The following GSE1 variants were observed in gnomAD, a reference collection of about 807,000 sequenced individuals.
The protein encoded by GSE1 is genetic suppressor element 1.
In GSE1, 32 loss-of-function variants were observed where a neutral mutation model predicts 112.6. That is an observed-to-expected ratio of 0.28 (90% CI 0.21 to 0.38). The LOEUF (loss-of-function observed/expected upper bound fraction) is 0.38. Among genes scored for constraint, GSE1 ranks in the 10% least tolerant of loss-of-function variants. The pLI, the probability that GSE1 is intolerant of heterozygous loss-of-function variation, is 1.00. For synonymous variants in GSE1, 1,115 were observed against 735.6 expected (o/e 1.52, Z -8.35); for missense variants, 2,348 against 1,699.2 (o/e 1.38, Z -6.71).
chr16:85,661,371 G>A lies in GSE1; in HGVS notation c.1866G>A (p.Leu622=). 6.2e-7 allele frequency: 1 copy of A among 1,612,356 alleles called. No homozygotes were observed. Among genetic ancestry groups the A allele is most frequent in the Non-Finnish European group, 8.5e-7 (1 of 1,179,716 alleles). Reference sequence around the variant, plus strand: ...CCAGCCGCCAGGCAGCCGTGCCGCTGGTGAAGGTGGAGCGGGTCTTCTGCC... The same window carrying A: ...CCAGCCGCCAGGCAGCCGTGCCGCTAGTGAAGGTGGAGCGGGTCTTCTGCC... ...FEPSRQAAVP[L]VKVERVFCPE... The change falls in exon 9 of 16, where the codon CTG becomes CTA. Residue 622 remains leucine (L), a synonymous_variant. Coordinates refer to ENST00000253458, the MANE Select transcript of GSE1 (RefSeq NM_014615.5).
intron 1 of GSE1, among the ~76,000 whole-genome samples, chr16:85,616,598 C>A (rs777117899): frequency 6.6e-6 from 1 of 152,146 alleles, no homozygotes; most frequent in Admixed American, 6.5e-5. Flanking sequence ...CCTGGTGTGC[C>A]GGGAGAGCTG....
intron 1 of GSE1, among the ~76,000 whole-genome samples, chr16:85,319,147 G>C (rs1015721246): frequency 2.9e-4 from 44 of 152,126 alleles, no homozygotes; most frequent in African/African-American, 8.5e-4. Context: ...CTTCTCTCTT[G>C]ACATTTAGGC....
chr16:85,422,583 G>GAA (rs34403123), intron 2 of GSE1, among the ~76,000 whole-genome samples: 4 of 131,852 alleles, frequency 3.0e-5, no homozygotes, highest in Non-Finnish European at 3.2e-5. Flanking sequence ...CTGGCCAAAA[G>GAA]AAAAAAAAAA....
upstream of GSE1, among the ~76,000 whole-genome samples, chr16:85,554,228 C>T (rs1389523068): frequency 2.0e-5 from 3 of 152,138 alleles, no homozygotes; most frequent in South Asian, 2.1e-4. Flanking sequence ...AATGAGCGCA[C>T]AGGATGTGGT....
intron 1 of GSE1, among the ~76,000 whole-genome samples, chr16:85,324,293 T>G (rs942696470): frequency 6.6e-6 from 1 of 152,284 alleles, no homozygotes; most frequent in African/African-American, 2.4e-5. Flanking sequence ...GTGGATCACC[T>G]GGGGTCAGGA....
intron 2 of GSE1, among the ~76,000 whole-genome samples, chr16:85,412,698 C>T (rs1254849631): frequency 2.0e-5 from 2 of 97,746 alleles, no homozygotes; most frequent in Non-Finnish European, 4.0e-5. Flanking sequence ...ACACTCAGGG[C>T]ACCTGGATAA....
intron 1 of GSE1, among the ~76,000 whole-genome samples, chr16:85,302,777 C>A (rs1333551918): frequency 6.6e-6 from 1 of 152,190 alleles, no homozygotes; most frequent in Non-Finnish European, 1.5e-5. Context: ...GAGGTCAATT[C>A]TTGGCCTTGG....
intron 3 of GSE1, among the ~76,000 whole-genome samples, chr16:85,650,556 C>G (rs775561005): frequency 6.6e-6 from 1 of 152,228 alleles, no homozygotes; most frequent in Non-Finnish European, 1.5e-5. Context: ...CTGAGCTGGT[C>G]CCTCCTCGGA....
intron 1 of GSE1, among the ~76,000 whole-genome samples, chr16:85,568,941 C>T (rs1231075003): frequency 2.0e-5 from 3 of 152,170 alleles, no homozygotes; most frequent in Non-Finnish European, 4.4e-5. Flanking sequence ...CTTAGAGCCT[C>T]CTGGGAAGGA....
chr16:85,386,010 G>T (rs1327045330), intron 2 of GSE1, among the ~76,000 whole-genome samples: 2 of 152,228 alleles, frequency 1.3e-5, no homozygotes, highest in Non-Finnish European at 2.9e-5. Flanking sequence ...CACCCAGGGA[G>T]GGCATCACTC....
chr16:85,477,812 G>A (rs8054107), intron 2 of GSE1, among the ~76,000 whole-genome samples: 8 of 151,836 alleles, frequency 5.3e-5, no homozygotes, highest in East Asian at 1.9e-4. Flanking sequence ...CGCCCGCCTC[G>A]GCCTCCCAAA....
At chr16:85,170,912 G>T in exon 1 of GSE1, 1 of 985,602 alleles carries the variant, frequency 1.0e-6, no homozygotes, top group Non-Finnish European at 1.2e-6. Context: ...GCCTCTAAGG[G>T]CAGGAGGCTC....
chr16:85,607,717 C>T (rs547804915), upstream of GSE1, among the ~76,000 whole-genome samples: 14 of 152,292 alleles, frequency 9.2e-5, no homozygotes, highest in East Asian at 1.9e-4. Flanking sequence ...CAGGGAGAGG[C>T]GGGCGCTGCT....
intron 8 of GSE1, among the ~76,000 whole-genome samples, chr16:85,658,012 CTTTTGA>C (rs1025878057): frequency 1.3e-5 from 2 of 152,178 alleles, no homozygotes; most frequent in African/African-American, 4.8e-5. Flanking sequence ...AAGGGGACAG[CTTTTGA>C]TTTTAAGGAA....
rs1597836161 is a variant in GSE1 at position 85,465,368 on chromosome 16, C to T, written c.2464+107725C>T. Among the ~76,000 whole-genome samples, 6 of 152,182 alleles carry T rather than the reference C, an allele frequency of 3.9e-5. No homozygotes were observed. The South Asian group carries it at 1.2e-3, about 32-fold the overall frequency. On this transcript the variant is annotated intron_variant, in intron 2 of 2. Transcript: ENST00000637419. ...AAGCATGTAATAGAACCATGAACAG[C>T]GCCAGGCCTGGGCTCCCATCTGGGT...
intron 1 of GSE1, among the ~76,000 whole-genome samples, chr16:85,312,714 AAG>A (rs2045887726): frequency 6.6e-6 from 1 of 151,908 alleles, no homozygotes; most frequent in South Asian, 2.1e-4. Context: ...GAGGAGGAGA[AAG>A]AGAAGGAGGA....
At position 85,373,079 on chromosome 16, in the gene GSE1, G is replaced by A. The variant is rs981045434; in HGVS notation, c.2464+15436G>A. Among the ~76,000 whole-genome samples, 2 of 152,226 alleles carry A rather than the reference G, an allele frequency of 1.3e-5. No homozygotes were observed. The highest frequency in any genetic ancestry group is 4.8e-5 in the African/African-American group (2 of 41,468). ...TCACCTGCACGGCTTTGACTGTGAG[G>A]GCAGTGGGCTGTGGCCTTCTAGGCC... On this transcript the variant is annotated intron_variant, in intron 2 of 2. Transcript: ENST00000637419. This position sits in a 1 kb window ranked among gnomAD's most constrained non-coding sequence, Gnocchi z 5.1.
intron 2 of GSE1, among the ~76,000 whole-genome samples, chr16:85,505,609 G>T (rs536839040): frequency 2.6e-5 from 4 of 152,312 alleles, no homozygotes; most frequent in Non-Finnish European, 5.9e-5. Context: ...ACAGGGTGAA[G>T]TTGGGAGTGC....
At chr16:85,569,727 C>T (rs2045903888) in intron 1 of GSE1, among the ~76,000 whole-genome samples, 1 of 152,202 alleles carries the variant, frequency 6.6e-6, no homozygotes, top group African/African-American at 2.4e-5. Flanking sequence ...TGTGTTTTCC[C>T]TGCTTCTCAG....
Sources: gnomAD v4.1 joint callset for allele counts (sites outside exome capture counted in the v4.1 genomes callset) on GRCh38, gnomAD v4.1.1 for gene constraint, Gnocchi (gnomAD v3.1) non-coding constraint, MANE v1.5 for transcripts, NCBI Gene and HGNC (gene_info 2026-07-23, HGNC 2026-07-21) for gene names.